The following SEMA3A variants were observed in gnomAD, a reference collection of about 807,000 sequenced individuals.
SEMA3A encodes semaphorin-3A.
Under a neutral mutation model 97.9 loss-of-function variants are expected in SEMA3A, and 29 were observed. That is an observed-to-expected ratio of 0.30 (90% CI 0.22 to 0.40). SEMA3A has a LOEUF of 0.40. SEMA3A is among the 10% of genes least tolerant of loss of function. The pLI is 1.00. For synonymous variants in SEMA3A, 321 were observed against 323.7 expected (o/e 0.99, Z 0.09); for missense variants, 763 against 951.3 (o/e 0.80, Z 2.60).
At chr7:83,997,626 T>C (rs1015961854) in intron 12 of SEMA3A, among the ~76,000 whole-genome samples, 2 of 152,186 alleles carry the variant, frequency 1.3e-5, no homozygotes, top group African/African-American at 4.8e-5. Context: ...ATCAAAGGAA[T>C]ATTGTTCACT....
intron 3 of SEMA3A, among the ~76,000 whole-genome samples, chr7:84,227,909 G>A (rs988079061): frequency 3.3e-5 from 5 of 151,788 alleles, no homozygotes; most frequent in Admixed American, 1.3e-4. Context: ...GTGTGTGTGC[G>A]TGCGTGTGTG....
chr7:84,407,485 T>G (rs1804129061), intron 1 of SEMA3A, among the ~76,000 whole-genome samples: 1 of 152,020 alleles, frequency 6.6e-6, no homozygotes, highest in Non-Finnish European at 1.5e-5. Context: ...AATTTATAGA[T>G]TCAATGCCAT....
At chr7:84,316,849 C>T (rs936871641) in intron 2 of SEMA3A, among the ~76,000 whole-genome samples, 7 of 152,142 alleles carry the variant, frequency 4.6e-5, no homozygotes, top group Non-Finnish European at 7.4e-5. Context: ...GCAGGATCTG[C>T]GGTTTGTCAA....
At chr7:84,415,437 T>G (rs1224619636) in intron 1 of SEMA3A, among the ~76,000 whole-genome samples, 3 of 152,128 alleles carry the variant, frequency 2.0e-5, no homozygotes. Flanking sequence ...GTAACAGAAC[T>G]TCCACTTTTG....
At chr7:84,370,485 G>A (rs548294427) in intron 2 of SEMA3A, among the ~76,000 whole-genome samples, 29 of 151,592 alleles carry the variant, frequency 1.9e-4, no homozygotes, top group South Asian at 6.2e-4. Context: ...TTATAATTTC[G>A]TGTAAAAGTT....
rs150441448 is a variant in SEMA3A at position 84,404,129 on chromosome 7, G to T, written c.-245-32229C>A. On this transcript the variant is annotated intron_variant, in intron 1 of 3. Transcript: ENST00000424555. ...GGAGGAAGTTCCAAATAATGGCAAA[G>T]AAGTTAAAAACTTTGAAAAAAAATT... Among the ~76,000 whole-genome samples, 233 of 152,200 alleles carry T rather than the reference G, an allele frequency of 1.5e-3. 1 individual carries two copies. The East Asian group carries it at 0.039, about 25-fold the overall frequency.
chr7:84,060,728 G>C (rs1187105497), intron 4 of SEMA3A, among the ~76,000 whole-genome samples, 170 bp from the exon 5 acceptor site: 1 of 152,150 alleles, frequency 6.6e-6, no homozygotes, highest in African/African-American at 2.4e-5. Context: ...ATTGAAAATA[G>C]GTAATACTAG....
intron 1 of SEMA3A, among the ~76,000 whole-genome samples, chr7:84,150,381 GC>G (rs1554335960): frequency 1.3e-5 from 2 of 151,754 alleles, no homozygotes; most frequent in Non-Finnish European, 3.0e-5. Context: ...CAGTGGGTGC[GC>G]ACACTGTGCG....
intron 1 of SEMA3A, among the ~76,000 whole-genome samples, chr7:84,390,335 AATT>A (rs71078827): frequency 0.28 from 39,833 of 143,458 alleles, 5,520 homozygotes; most frequent in South Asian, 0.39. Flanking sequence ...GATATTCAAG[AATT>A]ATTATTATTA....
Position 83,958,620 on chromosome 7 carries a change from T to C in SEMA3A, c.*2751A>G, listed in dbSNP as rs1401675200. 2 of 152,500 alleles carry C rather than the reference T, an allele frequency of 1.3e-5. No homozygotes were observed. The highest frequency in any genetic ancestry group is 1.9e-4 in the East Asian group (1 of 5,186). 9.4% of individuals were successfully genotyped at this position (152,500 alleles called of 1,614,324 possible). On this transcript the variant is annotated 3_prime_UTR_variant, in exon 17 of 17. Transcript: ENST00000265362. ...TGAACACATTGAAATGGAGTACTTA[T>C]AGAAAGTTTTATTTTACACTGTTCT...
chr7:84,258,111 C>T (rs1164435130), intron 3 of SEMA3A, among the ~76,000 whole-genome samples: 1 of 152,138 alleles, frequency 6.6e-6, no homozygotes, highest in Admixed American at 6.6e-5. Flanking sequence ...AGCAACACTG[C>T]CTCACACAGG....
intron 6 of SEMA3A, among the ~76,000 whole-genome samples, chr7:84,034,475 G>A (rs113343749): frequency 6.8e-4 from 103 of 152,262 alleles, no homozygotes; most frequent in South Asian, 1.4e-3. Context: ...ACTTTTTGCA[G>A]AATACTTAAT....
At position 83,998,361 on chromosome 7, in the gene SEMA3A, C is replaced by T. The variant is rs778222093; in HGVS notation, c.1452+3594G>A. ...AATAGTAAGTATTTGTGTATCTAAA[C>T]GTATCTAAACATAGAAAAGGTACAA... On this transcript the variant is annotated intron_variant, in intron 12 of 16. Transcript: ENST00000265362. Among the ~76,000 whole-genome samples the T allele has an allele frequency of 3.9e-5, 6 of 152,046 alleles. No individual in the cohort carries two copies. The South Asian group carries it at 6.2e-4, about 16-fold the overall frequency.
At chr7:84,210,557 T>G (rs538424063) in intron 3 of SEMA3A, among the ~76,000 whole-genome samples, 2 of 152,286 alleles carry the variant, frequency 1.3e-5, no homozygotes, top group African/African-American at 4.8e-5. Context: ...ATTGCTATAG[T>G]CATGCTTGTA....
At chr7:84,211,458 A>C (rs543284800) in intron 3 of SEMA3A, among the ~76,000 whole-genome samples, 318 of 146,806 alleles carry the variant, frequency 2.2e-3, no homozygotes, top group Middle Eastern at 3.6e-3. Context: ...TAAAAATACA[A>C]AAAAAAAAAA....
intron 5 of SEMA3A, among the ~76,000 whole-genome samples, chr7:84,048,759 A>G (rs1792466779): frequency 6.6e-6 from 1 of 152,120 alleles, no homozygotes; most frequent in South Asian, 2.1e-4. Context: ...GAGGTTTAAT[A>G]GGAAATATTA....
At chr7:83,973,878 A>C (rs1302552759) in intron 15 of SEMA3A, among the ~76,000 whole-genome samples, 1 of 60,348 alleles carries the variant, frequency 1.7e-5, no homozygotes, top group Non-Finnish European at 4.2e-5. Flanking sequence ...TGGTACAGTT[A>C]AAAAAAAATT....
chr7:84,054,471 T>C (rs940137572), intron 5 of SEMA3A, among the ~76,000 whole-genome samples: 1 of 152,204 alleles, frequency 6.6e-6, no homozygotes, highest in Non-Finnish European at 1.5e-5. Context: ...CCATCGCTGA[T>C]ACCCTTTCTT....
intron 2 of SEMA3A, among the ~76,000 whole-genome samples, chr7:84,327,264 G>T (rs1261521238): frequency 6.6e-6 from 1 of 151,712 alleles, no homozygotes; most frequent in Non-Finnish European, 1.5e-5. Context: ...TTAATTCTAG[G>T]CCATTAGGTA....
Sources: allele counts gnomAD v4.1 joint callset (sites outside exome capture counted in the v4.1 genomes callset), GRCh38; gene constraint gnomAD v4.1.1; transcripts MANE v1.5; gene names NCBI Gene and HGNC (gene_info 2026-07-23, HGNC 2026-07-21).